The following STAG1 variants were observed in gnomAD, a reference collection of about 807,000 sequenced individuals.
The protein encoded by STAG1 is cohesin subunit SA-1.
A neutral mutation model predicts 170.9 loss-of-function variants in STAG1; 26 were observed. That is an observed-to-expected ratio of 0.15 (90% CI 0.11 to 0.21). The LOEUF is 0.21. Among genes scored for constraint, STAG1 ranks in the 10% least tolerant of loss-of-function variants. The probability of loss-of-function intolerance (pLI) is 1.00; values close to 1 mark genes in which losing one functional copy is unlikely to be tolerated. For missense variants in STAG1, 964 were observed against 1,509.5 expected, an observed-to-expected ratio of 0.64 and a Z score of 5.99; for synonymous variants, 514 against 497.7, an observed-to-expected ratio of 1.03 and a Z score of -0.44.
At chr3:136,625,960 C>T (rs1193686935) in intron 2 of STAG1, among the ~76,000 whole-genome samples, 4 of 149,910 alleles carry the variant, frequency 2.7e-5, no homozygotes, top group South Asian at 2.1e-4. Flanking sequence ...GGCTGAGGCA[C>T]GAGAATCGCT....
chr3:136,589,029 G>C (rs149986248), intron 4 of STAG1, among the ~76,000 whole-genome samples: 10 of 152,192 alleles, frequency 6.6e-5, no homozygotes, highest in South Asian at 2.1e-4. Context: ...CCAAAGTGTT[G>C]GGATTACAGG....
chr3:136,355,351 T>TAAAA (rs370605205), intron 28 of STAG1, among the ~76,000 whole-genome samples: 4 of 29,966 alleles, frequency 1.3e-4, no homozygotes, highest in Non-Finnish European at 1.7e-4. Flanking sequence ...GACTCCATCT[T>TAAAA]AAAAAAAAAA....
intron 4 of STAG1, among the ~76,000 whole-genome samples, chr3:136,580,273 ATTTG>A (rs935320494): frequency 3.3e-5 from 5 of 150,606 alleles, no homozygotes; most frequent in South Asian, 4.2e-4. Flanking sequence ...GGCTCATTTG[ATTTG>A]TTTAAGTCAT....
intron 21 of STAG1, among the ~76,000 whole-genome samples, chr3:136,400,843 AT>A (rs2087303938): frequency 6.6e-6 from 1 of 152,100 alleles, no homozygotes; most frequent in Non-Finnish European, 1.5e-5. Flanking sequence ...CTCAAAATAA[AT>A]TTTCTAAAGG....
intron 1 of STAG1, among the ~76,000 whole-genome samples, chr3:136,671,913 C>G (rs1480564539): frequency 6.6e-6 from 1 of 152,098 alleles, no homozygotes; most frequent in African/African-American, 2.4e-5. Context: ...AAAAAGTAAA[C>G]AGACCATCAT....
At chr3:136,465,549 C>T (rs1431546347) in intron 12 of STAG1, among the ~76,000 whole-genome samples, 2 of 90,544 alleles carry the variant, frequency 2.2e-5, no homozygotes, top group Non-Finnish European at 3.9e-5. Flanking sequence ...CAGAGCAAGA[C>T]TCTTGCCTCA....
At chr3:136,382,483 A>G (rs1487231942) in intron 22 of STAG1, among the ~76,000 whole-genome samples, 1 of 151,132 alleles carries the variant, frequency 6.6e-6, no homozygotes, top group Non-Finnish European at 1.5e-5. Context: ...GCTCATTGCA[A>G]CCTCTGCCTC....
At chr3:136,506,788 T>C (rs535194392) in intron 7 of STAG1, among the ~76,000 whole-genome samples, 1 of 152,226 alleles carries the variant, frequency 6.6e-6, no homozygotes, top group South Asian at 2.1e-4. Context: ...TAAGTGGAAA[T>C]GCCTAGTAGA....
At chr3:136,381,697 T>C (rs955770485) in intron 22 of STAG1, among the ~76,000 whole-genome samples, 2 of 152,170 alleles carry the variant, frequency 1.3e-5, no homozygotes, top group African/African-American at 4.8e-5. Flanking sequence ...ACCTTTTTAA[T>C]AGAAAAGATG....
At chr3:136,488,528 T>C (rs538994147) in intron 9 of STAG1, among the ~76,000 whole-genome samples, 9 of 152,214 alleles carry the variant, frequency 5.9e-5, no homozygotes, top group Non-Finnish European at 1.3e-4. Flanking sequence ...AGAAATATAA[T>C]AATAACCAAT....
At chr3:136,713,979 G>A (rs1376571385) in intron 1 of STAG1, among the ~76,000 whole-genome samples, 10 of 151,368 alleles carry the variant, frequency 6.6e-5, no homozygotes, top group South Asian at 2.1e-4. Context: ...AGCCAAGATC[G>A]TGCCGTTGCA....
At position 136,337,323 on chromosome 3, in the gene STAG1, GGAA is replaced by G. The variant is rs1226478012; in HGVS notation, c.*928_*930del. ...TCATGATTGATTATCTTAAGAAAAT[GGAA>G]GTCTGTGTAACTTGAATTTGGCAGG... On this transcript the variant is annotated 3_prime_UTR_variant, in exon 34 of 34. Coordinates refer to ENST00000383202, the MANE Select transcript of STAG1 (RefSeq NM_005862.3). The G allele has an allele frequency of 6.6e-6, 1 of 152,586 alleles. No homozygotes were observed. The highest frequency in any genetic ancestry group is 1.9e-4 in the East Asian group (1 of 5,202). The allele number at this position is 152,586 out of a possible 1,614,324, so 9.5% of individuals were successfully genotyped here. A position where few individuals can be genotyped will look rare whatever the true frequency, so the allele number is the denominator to read the frequency against.
chr3:136,646,836 C>T lies in STAG1; in HGVS notation c.-83-15855G>A, dbSNP rs535171250. On this transcript the variant is annotated intron_variant, in intron 1 of 33. Transcript: ENST00000383202. ...CAGGAGAATCGCTTGAACTGGGACC[C>T]AGGAGGTGGAGGTTGCAGTGAGCCG... Among the ~76,000 whole-genome samples the T allele has an allele frequency of 5.9e-5, 9 of 151,920 alleles. No homozygotes were observed. In the East Asian group the frequency reaches 1.8e-3, roughly 30 times the overall value.
chr3:136,338,372 A>T lies in STAG1; in HGVS notation c.3751T>A (p.Ser1251Thr), dbSNP rs757098419. The change falls in exon 33 of 34, where the codon TCA becomes ACA. Residue 1251 changes from serine to threonine, a missense_variant and splice_region_variant. By Grantham distance (58) the Ser-to-Thr change is moderately conservative. Coordinates refer to ENST00000383202, the MANE Select transcript of STAG1 (RefSeq NM_005862.3). ...AGCAGTAATAATTTGACATTTACTG[A>T]ATCATCTTCTATGATAGCTGCAGAG... The part of the protein sequence containing the change: ...FDSAAIIEDD[S>T]GFGMPMF The T allele has an allele frequency of 1.3e-5, 21 of 1,611,750 alleles. No individual in the cohort carries two copies. The East Asian group carries it at 3.8e-4, about 29-fold the overall frequency.
At chr3:136,503,618 T>C (rs1174518445) in intron 7 of STAG1, among the ~76,000 whole-genome samples, 1 of 152,192 alleles carries the variant, frequency 6.6e-6, no homozygotes, top group Non-Finnish European at 1.5e-5. Context: ...TGTGCAAGTA[T>C]GAACATTTGG....
chr3:136,434,446 G>A (rs1018150162), intron 15 of STAG1, among the ~76,000 whole-genome samples: 1 of 152,142 alleles, frequency 6.6e-6, no homozygotes, highest in Non-Finnish European at 1.5e-5. Context: ...AATTAGTTAA[G>A]TGGAATATAT....
At chr3:136,650,770 A>C (rs1941190920) in intron 1 of STAG1, among the ~76,000 whole-genome samples, 1 of 152,208 alleles carries the variant, frequency 6.6e-6, no homozygotes, top group African/African-American at 2.4e-5. Flanking sequence ...TATGGGACTT[A>C]ATCATGAATC....
chr3:136,440,252 C>T (rs1243378853), intron 15 of STAG1, among the ~76,000 whole-genome samples: 1 of 152,132 alleles, frequency 6.6e-6, no homozygotes, highest in Non-Finnish European at 1.5e-5. Flanking sequence ...ATTCTCCTGC[C>T]TCAGCCTCCA....
At chr3:136,451,881 G>C (rs2088952616) in intron 14 of STAG1, 152 bp downstream of exon 14, 2 of 563,494 alleles carry the variant, frequency 3.5e-6, no homozygotes, top group Admixed American at 6.3e-5. Flanking sequence ...TTCCACAAAA[G>C]GTAAAGGACT....
Sources: gnomAD v4.1 joint callset for allele counts (sites outside exome capture counted in the v4.1 genomes callset) on GRCh38, gnomAD v4.1.1 for gene constraint, MANE v1.5 for transcripts, NCBI Gene and HGNC (gene_info 2026-07-23, HGNC 2026-07-21) for gene names.